CFAP299: variants seen among roughly 807,000 people sequenced by gnomAD.
CFAP299 encodes the protein cilia and flagella associated protein 299.
A neutral mutation model predicts 27.0 loss-of-function variants in CFAP299; 21 were observed. The ratio of observed to expected loss-of-function variants is 0.78; its 90% confidence interval spans 0.55 to 1.12. CFAP299 has a LOEUF of 1.12. Among genes scored for constraint, CFAP299 ranks in the 50% most tolerant of loss-of-function variants. The pLI, the probability that CFAP299 is intolerant of heterozygous loss-of-function variation, is 0.00. For synonymous variants in CFAP299, 104 were observed against 98.1 expected (o/e 1.06, Z -0.36); for missense variants, 310 against 276.6 (o/e 1.12, Z -0.86).
intron 3 of CFAP299, among the ~76,000 whole-genome samples, chr4:80,585,662 C>G (rs958069468): frequency 6.6e-6 from 1 of 152,084 alleles, no homozygotes; most frequent in Admixed American, 6.6e-5. Context: ...ATAATGTATA[C>G]AAATGGTTAA....
At chr4:80,795,034 GAGAT>G (rs376314744) in intron 3 of CFAP299, among the ~76,000 whole-genome samples, 1 of 152,120 alleles carries the variant, frequency 6.6e-6, no homozygotes, top group African/African-American at 2.4e-5. Flanking sequence ...GGCCCATTGG[GAGAT>G]GACAGGGATG....
In CFAP299 at chr4:80,801,382, G is replaced by A. The variant is rs187076579; in HGVS notation, c.334-68611G>A. On this transcript the variant is annotated intron_variant, in intron 3 of 5. Transcript: ENST00000358105. ...GTATTAATTTTTATCAATAAAATGG[G>A]TATCTTTTGCTGTCATCTTACTCTA... 3.8e-3 allele frequency among the ~76,000 whole-genome samples: 583 copies of A among 152,014 alleles called. 1 individual carries two copies. The highest frequency in any genetic ancestry group is 0.01 in the Middle Eastern group (3 of 292).
chr4:80,609,158 G>T (rs1560653852), intron 3 of CFAP299, among the ~76,000 whole-genome samples: 1 of 151,916 alleles, frequency 6.6e-6, no homozygotes, highest in African/African-American at 2.4e-5. Flanking sequence ...ACTTTCCTGT[G>T]TTCAGAAATG....
At chr4:80,702,436 G>A (rs11727325) in intron 3 of CFAP299, among the ~76,000 whole-genome samples, 10,478 of 151,870 alleles carry the variant, frequency 0.069, 815 homozygotes, top group African/African-American at 0.18. Flanking sequence ...TGTTTTTTAA[G>A]TGGAATAGAG....
intron 3 of CFAP299, among the ~76,000 whole-genome samples, chr4:80,588,686 G>A (rs879860954): frequency 1.4e-5 from 2 of 144,002 alleles, no homozygotes; most frequent in African/African-American, 2.9e-5. Flanking sequence ...AATTCATGCT[G>A]TGTTTTTTGA....
At chr4:80,612,657 T>C (rs1738053321) in intron 3 of CFAP299, among the ~76,000 whole-genome samples, 1 of 152,136 alleles carries the variant, frequency 6.6e-6, no homozygotes, top group Non-Finnish European at 1.5e-5. Flanking sequence ...TTTTCTGTGG[T>C]TTAATTTAAA....
intron 3 of CFAP299, among the ~76,000 whole-genome samples, chr4:80,616,055 C>G (rs1471211149): frequency 6.6e-6 from 1 of 152,142 alleles, no homozygotes; most frequent in Non-Finnish European, 1.5e-5. Context: ...TCAATATAAC[C>G]TCAGATGTCT....
intron 5 of CFAP299, among the ~76,000 whole-genome samples, chr4:80,950,140 G>A (rs1440061653): frequency 6.6e-6 from 1 of 152,132 alleles, no homozygotes; most frequent in Non-Finnish European, 1.5e-5. Flanking sequence ...AGAAAAGAAA[G>A]AGAGGGAGAA....
chr4:80,684,287 C>G (rs1033838341), intron 3 of CFAP299, among the ~76,000 whole-genome samples: 1 of 128,640 alleles, frequency 7.8e-6, no homozygotes, highest in East Asian at 2.2e-4. Flanking sequence ...GGGGGGGGGA[C>G]GGAGCCTCAC....
rs769289505 is a variant in CFAP299 at position 80,608,373 on chromosome 4, A to G, written c.333+25190A>G. ...ACTGATGCTGCTCATATCTTGAAGA[A>G]GCAACTGGCAGTAAGTACTGCTTAT... On this transcript the variant is annotated intron_variant, in intron 3 of 5. Transcript: ENST00000358105. 3.1e-5 allele frequency: 48 copies of G among 1,529,598 alleles called. No individual in the cohort carries two copies. In the South Asian group the frequency reaches 5.7e-4, roughly 18 times the overall value. The allele number at this position is 1,529,598 out of a possible 1,614,324, so 94.8% of individuals were successfully genotyped here.
At chr4:80,506,008 A>G (rs567661648) in intron 2 of CFAP299, among the ~76,000 whole-genome samples, 1 of 147,298 alleles carries the variant, frequency 6.8e-6, no homozygotes, top group South Asian at 2.1e-4. Flanking sequence ...GTGTAAATAT[A>G]TATAAATATA....
At chr4:80,876,945 C>T (rs916944697) in intron 4 of CFAP299, among the ~76,000 whole-genome samples, 5 of 152,160 alleles carry the variant, frequency 3.3e-5, no homozygotes, top group African/African-American at 1.2e-4. Flanking sequence ...TTGCCACTTC[C>T]TTCTTTCATT....
Position 80,898,068 on chromosome 4 carries a change from G to A in CFAP299, c.476+27933G>A, listed in dbSNP as rs111514002. Among the ~76,000 whole-genome samples, 330 of 152,276 alleles carry A rather than the reference G, an allele frequency of 2.2e-3. 2 individuals are homozygous for A. Among genetic ancestry groups the A allele is most frequent in the African/African-American group, 7.4e-3 (309 of 41,558 alleles). The stretch of plus-strand genomic sequence containing the variant: ...GCCCAGAACCCCTGAAGCTCCAGAG[G>A]AAGTGTTACAGTAAGGGCTCTTTTA... On this transcript the variant is annotated intron_variant, in intron 4 of 5. Transcript: ENST00000358105.
chr4:80,496,207 C>T lies in CFAP299; in HGVS notation c.243-86886C>T, dbSNP rs560955301. On this transcript the variant is annotated intron_variant, in intron 2 of 5. Transcript: ENST00000358105. ...AGGCTGCAAATTTTTTAAACGTCTA[C>T]ACTCTGCTTCTCTTTTAAATATAAG... 6.6e-5 allele frequency among the ~76,000 whole-genome samples: 10 copies of T among 152,312 alleles called. 1 individual carries two copies. Among genetic ancestry groups the T allele is most frequent in the African/African-American group, 1.7e-4 (7 of 41,574 alleles).
chr4:80,553,631 G>A (rs1262326223), intron 2 of CFAP299, among the ~76,000 whole-genome samples: 1 of 151,848 alleles, frequency 6.6e-6, no homozygotes, highest in Admixed American at 6.6e-5. Context: ...CCAACAGTGT[G>A]TAACTGTTCT....
intron 3 of CFAP299, among the ~76,000 whole-genome samples, chr4:80,695,096 A>G (rs1721002570): frequency 6.6e-6 from 1 of 152,190 alleles, no homozygotes; most frequent in Admixed American, 6.5e-5. Context: ...CCAAGATAAT[A>G]CAAATATATG....
intron 3 of CFAP299, among the ~76,000 whole-genome samples, chr4:80,840,810 T>C (rs1560438686): frequency 6.6e-6 from 1 of 152,172 alleles, no homozygotes; most frequent in Non-Finnish European, 1.5e-5. Flanking sequence ...AGCCTCCAAA[T>C]AATTGGTTTG....
intron 3 of CFAP299, among the ~76,000 whole-genome samples, chr4:80,762,123 A>G (rs1267668310): frequency 6.6e-6 from 1 of 151,714 alleles, no homozygotes; most frequent in Non-Finnish European, 1.5e-5. Flanking sequence ...TTATTTTGGT[A>G]TAAAATAAAT....
At chr4:80,852,166 CCT>C (rs1731562901) in intron 3 of CFAP299, among the ~76,000 whole-genome samples, 1 of 152,014 alleles carries the variant, frequency 6.6e-6, no homozygotes, top group Admixed American at 6.6e-5. Flanking sequence ...TCTTTCTTGC[CCT>C]GTTCCAAGTC....
Sources: gnomAD v4.1 joint callset for allele counts (sites outside exome capture counted in the v4.1 genomes callset) on GRCh38, gnomAD v4.1.1 for gene constraint, MANE v1.5 for transcripts, NCBI Gene and HGNC (gene_info 2026-07-23, HGNC 2026-07-21) for gene names.